Variants in MYBPC2 observed in about 807,000 individuals in gnomAD.
The protein encoded by MYBPC2 is myosin binding protein C2.
MYBPC2 carries 122 observed loss-of-function variants against 137.0 expected under a neutral mutation model. The observed-to-expected ratio is 0.89, with a 90% confidence interval of 0.77 to 1.03. The LOEUF is 1.03. Among genes scored for constraint, MYBPC2 ranks in the 50% least tolerant of loss-of-function variants. The pLI is 0.00. For synonymous variants in MYBPC2, 626 were observed against 612.3 expected (o/e 1.02, Z -0.33); for missense variants, 1,500 against 1,534.4 (o/e 0.98, Z 0.37).
rs753930627 is a variant in MYBPC2, at chr19:50,440,678, C to CAAAA, written c.573-199_573-196dup. Among the ~76,000 whole-genome samples, 949 of 140,056 alleles carry CAAAA rather than the reference C, an allele frequency of 6.8e-3. 30 individuals carry two copies. The highest frequency in any genetic ancestry group is 0.012 in the African/African-American group (451 of 37,996). 91.9% of individuals were successfully genotyped at this position (140,056 alleles called of 152,430 possible). A position where few individuals can be genotyped will look rare whatever the true frequency, so the allele number is the denominator to read the frequency against. On this transcript the variant is annotated intron_variant, in intron 7 of 27. Coordinates refer to ENST00000357701, the MANE Select transcript of MYBPC2 (RefSeq NM_004533.4). ...AATCTGTCTCAAAAAAAAAAAAAAC[C>CAAAA]AAAAAACCCAGTGGGGACTGTGCTG...
In MYBPC2 at chr19:50,444,290, T is replaced by TC. The variant is rs2039783743; in HGVS notation, c.1133+475dup. ...TCTACTTAACCATCTGTCCATCCATTCATCCATCCATCCATCCATCCATCC... is the reference window on the plus strand; with the variant it reads ...TCTACTTAACCATCTGTCCATCCATTCCATCCATCCATCCATCCATCCATCC... On this transcript the variant is annotated intron_variant, in intron 11 of 27. Transcript: ENST00000357701. 1.7e-3 allele frequency among the ~76,000 whole-genome samples: 197 copies of TC among 117,900 alleles called. 2 individuals are homozygous for TC. Among genetic ancestry groups the TC allele is most frequent in the African/African-American group, 5.2e-3 (191 of 36,622 alleles). The allele number at this position is 117,900 out of a possible 152,430, so 77.3% of individuals were successfully genotyped here. A position where few individuals can be genotyped will look rare whatever the true frequency, so the allele number is the denominator to read the frequency against.
At chr19:50,463,304 G>T (rs1325461740) in intron 26 of MYBPC2, among the ~76,000 whole-genome samples, 1 of 152,206 alleles carries the variant, frequency 6.6e-6, no homozygotes, top group Non-Finnish European at 1.5e-5. Flanking sequence ...TATAGGAACA[G>T]TTTGCCAGCT....
chr19:50,439,901 G>A (rs1178866415), intron 7 of MYBPC2, among the ~76,000 whole-genome samples: 1 of 152,230 alleles, frequency 6.6e-6, no homozygotes, highest in Non-Finnish European at 1.5e-5. Flanking sequence ...GGGAACTTTG[G>A]TGCTAGGTCT....
In MYBPC2 at chr19:50,450,819, C is replaced by CA. The variant is rs1375216077; in HGVS notation, c.1473-9dup. ...TGGTTCGAGCCCTACCCTGCTCCCC[C>CA]ACCCCTTAGGTTCCACAAGCTGGTG... On this transcript the variant is annotated splice_polypyrimidine_tract_variant and intron_variant, in intron 13 of 27. Coordinates refer to ENST00000357701, the MANE Select transcript of MYBPC2 (RefSeq NM_004533.4). 7 of 1,556,720 alleles carry CA rather than the reference C, an allele frequency of 4.5e-6. No homozygotes were observed. In the Admixed American group the frequency reaches 1.4e-4, roughly 30 times the overall value.
rs767380135 is a variant in MYBPC2, at chr19:50,451,966, A to C, written c.1712A>C (p.Glu571Ala). 3 of 1,556,294 alleles carry C rather than the reference A, an allele frequency of 1.9e-6. No individual in the cohort carries two copies. The highest frequency in any genetic ancestry group is 2.6e-6 in the Non-Finnish European group (3 of 1,149,446). ...AGGCTTGACGTGTCCATCACAGGGG[A>C]GCCCCCTCCCGTCGCTACCTGGCTG... ...KLRLDVSITGEPPPVATWLKG... is the reference protein window; with the variant it reads ...KLRLDVSITGAPPPVATWLKG... Residue 571 changes from glutamate (E) to alanine (A), a missense_variant, in exon 16 of 28, where the codon GAG becomes GCG. By Grantham distance (107) the Glu-to-Ala change is moderately radical. Transcript: ENST00000357701.
At chr19:50,437,944 A>C (rs2039718860) in intron 7 of MYBPC2, among the ~76,000 whole-genome samples, 2 of 151,874 alleles carry the variant, frequency 1.3e-5, no homozygotes, top group Non-Finnish European at 2.9e-5. Flanking sequence ...AACCCCACCC[A>C]GCCAAACATC....
At chr19:50,453,297 A>C (rs1377241541) in intron 16 of MYBPC2, among the ~76,000 whole-genome samples, 1 of 152,074 alleles carries the variant, frequency 6.6e-6, no homozygotes, top group Non-Finnish European at 1.5e-5. Context: ...CTGCCCAAGA[A>C]GCCACAGTCC....
Position 50,466,120 on chromosome 19 carries a change from T to C in MYBPC2, c.3416-75T>C. 6.2e-7 allele frequency: 1 copy of C among 1,601,846 alleles called. No homozygotes were observed. The stretch of plus-strand genomic sequence containing the variant: ...CCTGTCCCCCTGCTGGTCATGTGGA[T>C]GCAGCTCCTCCTCCTGGGGCTTCAG... On this transcript the variant is annotated intron_variant, in intron 27 of 27. Coordinates refer to ENST00000357701, the MANE Select transcript of MYBPC2 (RefSeq NM_004533.4). This position sits in a 1 kb window ranked among gnomAD's most constrained non-coding sequence, Gnocchi z 4.9.
At chr19:50,457,341 A>G (rs998522005) in intron 20 of MYBPC2, among the ~76,000 whole-genome samples, 1 of 152,160 alleles carries the variant, frequency 6.6e-6, no homozygotes, top group Non-Finnish European at 1.5e-5. Flanking sequence ...AACAGCCATG[A>G]GTTCCCCAGC....
At position 50,440,866 on chromosome 19, in the gene MYBPC2, C is replaced by A; in HGVS notation, c.573-14C>A. 1 of 1,607,152 alleles carries A rather than the reference C, an allele frequency of 6.2e-7. No individual in the cohort carries two copies. The highest frequency in any genetic ancestry group is 8.5e-7 in the Non-Finnish European group (1 of 1,176,342). ...CACTCCCTGATGGCCCCTGTCCGTT[C>A]CCCCACCCGCCAGGGAGGTGGTGGA... On this transcript the variant is annotated splice_polypyrimidine_tract_variant and intron_variant, in intron 7 of 27. Transcript: ENST00000357701.
Position 50,458,942 on chromosome 19 carries a change from G to A in MYBPC2, c.2531G>A (p.Arg844His), listed in dbSNP as rs377635463. 17 of 1,611,812 alleles carry A rather than the reference G, an allele frequency of 1.1e-5. No homozygotes were observed. Among genetic ancestry groups the A allele is most frequent in the Middle Eastern group, 1.6e-4 (1 of 6,080 alleles). Reference protein sequence around the residue: ...IAEPPKIRLPRHLRQTYIRKV... With the variant: ...IAEPPKIRLPHHLRQTYIRKV... ...GAGCCACCCAAGATCCGGCTTCCCC[G>A]CCATCTCCGCCAGACCTACATCCGC... is the stretch of plus-strand genomic sequence containing the variant. The change falls in exon 22 of 28, where the codon CGC (arginine) becomes CAC (histidine). Residue 844 changes from arginine (R) to histidine (H), a missense_variant. Transcript: ENST00000357701.
At position 50,450,895 on chromosome 19, in the gene MYBPC2, C is replaced by T. The variant is rs140447142; in HGVS notation, c.1539C>T (p.Asp513=). ...AGGGAGACTACACGTTTGTGCCTGA[C>T]GGCTACGCCCTGTCGCTCTCGGCCA... ...EDEGDYTFVP[D]GYALSLSAKL... Residue 513 remains aspartate, a synonymous_variant, in exon 14 of 28, where the codon GAC becomes GAT. Coordinates refer to ENST00000357701, the MANE Select transcript of MYBPC2 (RefSeq NM_004533.4). 7.1e-5 allele frequency: 112 copies of T among 1,577,822 alleles called. 1 individual carries two copies. In the African/African-American group the frequency reaches 8.6e-4, roughly 12 times the overall value.
At chr19:50,451,148 C>T in intron 14 of MYBPC2, 132 bp from the exon 15 acceptor site, 1 of 1,205,100 alleles carries the variant, frequency 8.3e-7, no homozygotes, top group East Asian at 2.5e-5. Context: ...GCTCCTGGGC[C>T]TGAACCTGTC....
At chr19:50,449,182 C>A (rs1568663197) in intron 13 of MYBPC2, among the ~76,000 whole-genome samples, 1 of 152,058 alleles carries the variant, frequency 6.6e-6, no homozygotes, top group Non-Finnish European at 1.5e-5. Context: ...GACACTCTCT[C>A]TAAATAAATA....
At chr19:50,440,684 A>AAAAAAG (rs2039745324) in intron 7 of MYBPC2, among the ~76,000 whole-genome samples, 196 bp from the exon 8 acceptor site, 1 of 150,504 alleles carries the variant, frequency 6.6e-6, no homozygotes, top group Non-Finnish European at 1.5e-5. Context: ...AAACCAAAAA[A>AAAAAAG]CCCAGTGGGG....
In MYBPC2 at chr19:50,450,872, G is replaced by A; in HGVS notation, c.1516G>A (p.Gly506Arg). Residue 506 changes from glycine (G) to arginine (R), a missense_variant, in exon 14 of 28, where the codon GGA becomes AGA. Gly to Arg is a moderately radical substitution (Grantham distance 125). Coordinates refer to ENST00000357701, the MANE Select transcript of MYBPC2 (RefSeq NM_004533.4). The part of the protein sequence containing the change: ...VIDDVRPEDE[G>R]DYTFVPDGYA... Reference sequence around the variant, plus strand: ...CGATGACGTCCGCCCCGAGGATGAGGGAGACTACACGTTTGTGCCTGACGG... The same window carrying A: ...CGATGACGTCCGCCCCGAGGATGAGAGAGACTACACGTTTGTGCCTGACGG... 1 of 1,580,806 alleles carries A rather than the reference G, an allele frequency of 6.3e-7. No homozygotes were observed. The highest frequency in any genetic ancestry group is 8.6e-7 in the Non-Finnish European group (1 of 1,163,778).
At chr19:50,458,508 G>C in intron 20 of MYBPC2, 79 bp from the exon 21 acceptor site, 1 of 1,534,576 alleles carries the variant, frequency 6.5e-7, no homozygotes, top group Non-Finnish European at 8.7e-7. Context: ...TCGCTGCGTG[G>C]GGCCCAAGTC....
chr19:50,453,272 C>T (rs147676620), intron 16 of MYBPC2, among the ~76,000 whole-genome samples: 39 of 152,090 alleles, frequency 2.6e-4, no homozygotes, highest in South Asian at 6.2e-4. Context: ...TTTACTCTTG[C>T]GGAGACGCAA....
At position 50,435,545 on chromosome 19, in the gene MYBPC2, A is replaced by G. The variant is rs2039694721; in HGVS notation, c.110-231A>G. On this transcript the variant is annotated intron_variant, in intron 2 of 27. Transcript: ENST00000357701. The surrounding 1 kb of genome is among the most constrained non-coding windows in gnomAD (Gnocchi z 4.8). ...AGGCACATTCAGTGCCCTCCAGTCC[A>G]CAGATGAGGAAACCGAGGCCCAAAG... Among the ~76,000 whole-genome samples the G allele has an allele frequency of 6.6e-6, 1 of 152,172 alleles. No individual in the cohort carries two copies. The highest frequency in any genetic ancestry group is 2.4e-5 in the African/African-American group (1 of 41,438).
Sources: gnomAD v4.1 joint callset for allele counts (sites outside exome capture counted in the v4.1 genomes callset) on GRCh38, gnomAD v4.1.1 for gene constraint, Gnocchi (gnomAD v3.1) non-coding constraint, MANE v1.5 for transcripts, NCBI Gene and HGNC (gene_info 2026-07-23, HGNC 2026-07-21) for gene names.